Variants in SEC14L1 observed in about 807,000 individuals in gnomAD.
SEC14L1 encodes the protein SEC14-like protein 1.
In SEC14L1, 48 loss-of-function variants were observed where a neutral mutation model predicts 85.3. That is an observed-to-expected ratio of 0.56 (90% CI 0.45 to 0.72). The LOEUF (loss-of-function observed/expected upper bound fraction) is 0.72. Among genes scored for constraint, SEC14L1 ranks in the 30% least tolerant of loss-of-function variants. The probability of loss-of-function intolerance (pLI) is 0.00; values close to 1 mark genes in which losing one functional copy is unlikely to be tolerated. For missense variants in SEC14L1, 682 were observed against 921.4 expected (o/e 0.74, Z 3.36); for synonymous variants, 391 against 355.5 (o/e 1.10, Z -1.12).
At chr17:77,190,987 G>T in intron 4 of SEC14L1, 35 bp downstream of exon 4, 1 of 1,607,518 alleles carries the variant, frequency 6.2e-7, no homozygotes, top group Non-Finnish European at 8.5e-7. Context: ...GAGGGAAAGG[G>T]CGTCCTGGTG....
chr17:77,123,367 C>A (rs1397825158), intron 3 of SEC14L1, among the ~76,000 whole-genome samples: 2 of 150,436 alleles, frequency 1.3e-5, no homozygotes, highest in Admixed American at 1.3e-4. Flanking sequence ...CTTTTTAAGA[C>A]TGTGGGAACC....
At chr17:77,118,671 G>C (rs1351686507) in intron 3 of SEC14L1, among the ~76,000 whole-genome samples, 2 of 152,224 alleles carry the variant, frequency 1.3e-5, no homozygotes, top group Non-Finnish European at 2.9e-5. Flanking sequence ...CTTTTTCTAA[G>C]TCAAGGTTAT....
intron 3 of SEC14L1, among the ~76,000 whole-genome samples, chr17:77,175,912 G>A (rs550574541): frequency 4.1e-4 from 62 of 152,252 alleles, no homozygotes; most frequent in African/African-American, 1.4e-3. Flanking sequence ...GCTCAGAATA[G>A]GGAGTGTGTG....
chr17:77,184,455 T>A (rs971901316), intron 3 of SEC14L1, among the ~76,000 whole-genome samples: 1 of 152,192 alleles, frequency 6.6e-6, no homozygotes, highest in Admixed American at 6.5e-5. Flanking sequence ...TTTTTTTTCC[T>A]GAAAAATTTT....
intron 3 of SEC14L1, among the ~76,000 whole-genome samples, chr17:77,188,696 T>G (rs190570037): frequency 1.8e-3 from 281 of 152,290 alleles, no homozygotes; most frequent in Non-Finnish European, 2.1e-3. Flanking sequence ...CCGTTGCATG[T>G]TTAGGTTTTA....
chr17:77,157,573 G>T (rs1192221997), intron 3 of SEC14L1, among the ~76,000 whole-genome samples: 3 of 151,900 alleles, frequency 2.0e-5, no homozygotes, highest in Non-Finnish European at 4.4e-5. Context: ...CGTTGCCCAG[G>T]CTGGAGTGCA....
chr17:77,115,028 T>C (rs1972141001), intron 3 of SEC14L1, among the ~76,000 whole-genome samples: 1 of 152,186 alleles, frequency 6.6e-6, no homozygotes, highest in South Asian at 2.1e-4. Flanking sequence ...CCCGTCCTGC[T>C]GCTGCCTGCC....
intron 3 of SEC14L1, among the ~76,000 whole-genome samples, chr17:77,175,169 A>G (rs574704386): frequency 4.6e-4 from 70 of 152,326 alleles, no homozygotes; most frequent in African/African-American, 1.6e-3. Context: ...CAAGGACGTT[A>G]CACAGTTAAA....
intron 13 of SEC14L1, among the ~76,000 whole-genome samples, chr17:77,209,129 C>A (rs1053664120): frequency 1.6e-4 from 25 of 152,160 alleles, no homozygotes; most frequent in Non-Finnish European, 2.9e-5. Context: ...TCAACTTGTT[C>A]CCGTTTATGC....
intron 3 of SEC14L1, among the ~76,000 whole-genome samples, chr17:77,155,843 C>T (rs768117179): frequency 6.6e-6 from 1 of 152,292 alleles, no homozygotes; most frequent in Non-Finnish European, 1.5e-5. Flanking sequence ...GCCTCAGCCT[C>T]AGCTGGGATT....
intron 3 of SEC14L1, chr17:77,181,104 G>A (rs1022437774): frequency 3.9e-5 from 6 of 152,144 alleles, no homozygotes; most frequent in Non-Finnish European, 5.9e-5. Flanking sequence ...TGGAATGACC[G>A]CTTGTGTCTG....
intron 3 of SEC14L1, among the ~76,000 whole-genome samples, chr17:77,099,910 G>GT (rs1555613431): frequency 7.7e-4 from 116 of 151,270 alleles, no homozygotes; most frequent in Middle Eastern, 3.4e-3. Context: ...GTTTTTTGTT[G>GT]TTTTTTTTTA....
intron 3 of SEC14L1, among the ~76,000 whole-genome samples, chr17:77,153,360 C>A (rs1010679259): frequency 6.6e-6 from 1 of 152,192 alleles, no homozygotes; most frequent in Non-Finnish European, 1.5e-5. Flanking sequence ...AACCACTGAG[C>A]CTGGCTAGCA....
rs748227073 is a variant in SEC14L1, at chr17:77,196,302, C to G, written c.810C>G (p.His270Gln). 1 of 1,610,488 alleles carries G rather than the reference C, an allele frequency of 6.2e-7. No individual in the cohort carries two copies. The highest frequency in any genetic ancestry group is 1.3e-5 in the African/African-American group (1 of 74,958). Reference sequence around the variant, plus strand: ...TTCGCCAGTGGCTCCAGGAGACCCACAAGGGCAAAGTGAGTGTCAGCACCA... The same window carrying G: ...TTCGCCAGTGGCTCCAGGAGACCCAGAAGGGCAAAGTGAGTGTCAGCACCA... ...IRLRQWLQETHKGKIPKDEHI... is the reference protein window; with the variant it reads ...IRLRQWLQETQKGKIPKDEHI... The change falls in exon 8 of 17, where the codon CAC (histidine) becomes CAG (glutamine). Residue 270 changes from histidine to glutamine, a missense_variant. This residue lies in a region of SEC14L1 where 420 missense variants were observed against 619.5 expected (regional missense o/e 0.68). Coordinates refer to ENST00000436233, the MANE Select transcript of SEC14L1 (RefSeq NM_001143998.2).
chr17:77,148,497 C>T (rs549621072), intron 3 of SEC14L1, among the ~76,000 whole-genome samples: 13 of 152,304 alleles, frequency 8.5e-5, no homozygotes, highest in Middle Eastern at 3.4e-3. Flanking sequence ...ATGTGGTCAC[C>T]TCATTCTTTG....
upstream of SEC14L1, among the ~76,000 whole-genome samples, chr17:77,136,013 T>C (rs1250537940): frequency 2.6e-5 from 4 of 151,564 alleles, no homozygotes; most frequent in Non-Finnish European, 5.9e-5. Context: ...GCTGGGACTA[T>C]AGGCACCAGC....
chr17:77,104,430 C>CA (rs1555613946), intron 3 of SEC14L1, among the ~76,000 whole-genome samples: 1 of 135,988 alleles, frequency 7.4e-6, no homozygotes, highest in Non-Finnish European at 1.6e-5. Flanking sequence ...CTTGTGTTTA[C>CA]TTTTTTTTTT....
rs1976479709 is a variant in SEC14L1 at position 77,206,680 on chromosome 17, ACT to A, written c.1342-46_1342-45del. 1 of 1,558,414 alleles carries A rather than the reference ACT, an allele frequency of 6.4e-7. No individual in the cohort carries two copies. Among genetic ancestry groups the A allele is most frequent in the Non-Finnish European group, 8.7e-7 (1 of 1,154,486 alleles). ...CCACATTGTCATTTTAATCTTGGAC[ACT>A]CAGGCAGCAGAGAAATATGACTGCA... On this transcript the variant is annotated intron_variant, in intron 12 of 16. Coordinates refer to ENST00000436233, the MANE Select transcript of SEC14L1 (RefSeq NM_001143998.2). The surrounding 1 kb of genome is among the most constrained non-coding windows in gnomAD (Gnocchi z 4.3).
At chr17:77,117,203 C>T (rs867506871) in intron 3 of SEC14L1, among the ~76,000 whole-genome samples, 1 of 152,120 alleles carries the variant, frequency 6.6e-6, no homozygotes, top group African/African-American at 2.4e-5. Flanking sequence ...CAAAATTAGC[C>T]GGGCATGGTG....
Sources: gnomAD v4.1 joint callset for allele counts (sites outside exome capture counted in the v4.1 genomes callset) on GRCh38, gnomAD v4.1.1 for gene constraint, gnomAD v4.1.1 regional missense constraint, Gnocchi (gnomAD v3.1) non-coding constraint, MANE v1.5 for transcripts, NCBI Gene and HGNC (gene_info 2026-07-23, HGNC 2026-07-21) for gene names.